Variants in RBMS3 observed in about 807,000 individuals in gnomAD.
RBMS3 encodes the protein RNA-binding motif, single-stranded-interacting protein 3.
In RBMS3, 27 loss-of-function variants were observed where a neutral mutation model predicts 66.8. The observed-to-expected ratio is 0.40, with a 90% CI of 0.30 to 0.56. The LOEUF (loss-of-function observed/expected upper bound fraction) is 0.56. RBMS3 is among the 20% of genes least tolerant of loss of function. RBMS3 has a pLI of 0.40. For synonymous variants in RBMS3, 188 were observed against 183.0 expected, an observed-to-expected ratio of 1.03 and a Z score of -0.22; for missense variants, 513 against 549.5, an observed-to-expected ratio of 0.93 and a Z score of 0.66.
intron 5 of RBMS3, among the ~76,000 whole-genome samples, chr3:29,758,724 G>A (rs1177653678): frequency 1.3e-5 from 2 of 152,130 alleles, no homozygotes; most frequent in Non-Finnish European, 2.9e-5. Flanking sequence ...TATTCCTTCC[G>A]TTACAATGGA....
chr3:29,668,374 C>A (rs1417951677), intron 4 of RBMS3, among the ~76,000 whole-genome samples: 2 of 152,184 alleles, frequency 1.3e-5, no homozygotes, highest in Non-Finnish European at 2.9e-5. Context: ...TTGAGAGCTG[C>A]CAAATACTAC....
At chr3:29,359,802 C>A (rs1392091899) in intron 1 of RBMS3, among the ~76,000 whole-genome samples, 1 of 152,114 alleles carries the variant, frequency 6.6e-6, no homozygotes, top group Non-Finnish European at 1.5e-5. Flanking sequence ...GGAATTTATC[C>A]ATTTCTTCTA....
chr3:29,994,240 A>G (rs984004255), intron 14 of RBMS3, among the ~76,000 whole-genome samples: 12 of 152,186 alleles, frequency 7.9e-5, no homozygotes, highest in African/African-American at 2.7e-4. Flanking sequence ...AAAATGGCGC[A>G]CCACAAGATT....
intron 12 of RBMS3, among the ~76,000 whole-genome samples, chr3:29,987,366 A>G (rs1341127084): frequency 6.6e-6 from 1 of 152,192 alleles, no homozygotes; most frequent in Non-Finnish European, 1.5e-5. Context: ...GTAACTGAAC[A>G]TGTAGTTTTA....
At position 29,563,307 on chromosome 3, in the gene RBMS3, C is replaced by A. The variant is rs538410180; in HGVS notation, c.308-23807C>A. Among the ~76,000 whole-genome samples, 4 of 152,274 alleles carry A rather than the reference C, an allele frequency of 2.6e-5. No homozygotes were observed. In the South Asian group the frequency reaches 6.2e-4, roughly 24 times the overall value. On this transcript the variant is annotated intron_variant, in intron 3 of 14. Coordinates refer to ENST00000383767, the MANE Select transcript of RBMS3 (RefSeq NM_001003793.3). The stretch of plus-strand genomic sequence containing the variant: ...AAGAAGAAAGACACATATTAACGGA[C>A]AAAACACTCTCCTAAATTGCTTGGA...
At chr3:29,614,095 G>A (rs1040322677) in intron 4 of RBMS3, among the ~76,000 whole-genome samples, 1 of 151,906 alleles carries the variant, frequency 6.6e-6, no homozygotes, top group African/African-American at 2.4e-5. Flanking sequence ...ATGGATGAAT[G>A]GATAAAGAAA....
rs138453616 is a variant in RBMS3 at position 29,486,006 on chromosome 3, C to A, written c.249-2435C>A. 4.9e-3 allele frequency among the ~76,000 whole-genome samples: 739 copies of A among 152,220 alleles called. 5 individuals are homozygous for A. The highest frequency in any genetic ancestry group is 0.017 in the African/African-American group (705 of 41,534). Reference sequence around the variant, plus strand: ...TATTTTCCTTCGGAGTGTATAAAATCATGTACTTTTAATCTGCAGAGTAGT... The same window carrying A: ...TATTTTCCTTCGGAGTGTATAAAATAATGTACTTTTAATCTGCAGAGTAGT... On this transcript the variant is annotated intron_variant, in intron 2 of 14. Transcript: ENST00000383767.
chr3:29,850,123 G>T (rs1168069584), intron 6 of RBMS3, among the ~76,000 whole-genome samples: 2 of 152,130 alleles, frequency 1.3e-5, no homozygotes, highest in Non-Finnish European at 2.9e-5. Context: ...ACAAAGCATG[G>T]GGGTACAAAG....
intron 2 of RBMS3, among the ~76,000 whole-genome samples, chr3:29,486,978 G>GAA (rs78003317): frequency 8.6e-5 from 13 of 151,352 alleles, no homozygotes; most frequent in African/African-American, 2.9e-4. Context: ...GCTTGGTGTG[G>GAA]AAAAAAAAGA....
intron 6 of RBMS3, among the ~76,000 whole-genome samples, chr3:29,853,330 T>C (rs562733314): frequency 2.6e-5 from 4 of 151,760 alleles, no homozygotes; most frequent in Non-Finnish European, 5.9e-5. Flanking sequence ...TTTAAAAAAC[T>C]TAAAATTGGT....
At chr3:29,795,317 T>C (rs2057145748) in intron 6 of RBMS3, among the ~76,000 whole-genome samples, 1 of 152,232 alleles carries the variant, frequency 6.6e-6, no homozygotes, top group Non-Finnish European at 1.5e-5. Context: ...TTTGGAAGTG[T>C]ATCAGAGATA....
At chr3:29,538,399 T>C (rs1281884988) in intron 3 of RBMS3, among the ~76,000 whole-genome samples, 2 of 152,172 alleles carry the variant, frequency 1.3e-5, no homozygotes, top group East Asian at 3.8e-4. Context: ...AGGAAAGAGA[T>C]ATATACGATT....
At chr3:29,359,228 C>G (rs947366980) in intron 1 of RBMS3, among the ~76,000 whole-genome samples, 48 of 152,114 alleles carry the variant, frequency 3.2e-4, no homozygotes, top group Non-Finnish European at 5.4e-4. Context: ...CCCATCAATA[C>G]CTAATTTATT....
chr3:29,501,700 T>C (rs2043981057), intron 3 of RBMS3, among the ~76,000 whole-genome samples: 1 of 152,018 alleles, frequency 6.6e-6, no homozygotes, highest in African/African-American at 2.4e-5. Context: ...CATCAGCCTA[T>C]CAACCAACCA....
intron 1 of RBMS3, among the ~76,000 whole-genome samples, chr3:29,363,379 C>G (rs532395981): frequency 2.0e-4 from 30 of 152,258 alleles, no homozygotes; most frequent in African/African-American, 6.7e-4. Flanking sequence ...ATGATACCTA[C>G]AGAGACTCTC....
intron 13 of RBMS3, among the ~76,000 whole-genome samples, chr3:29,989,807 T>C (rs1207643665): frequency 6.6e-6 from 1 of 152,234 alleles, no homozygotes; most frequent in Non-Finnish European, 1.5e-5. Context: ...CTTTGGTATA[T>C]TTAGCTTTCA....
chr3:29,670,637 G>A (rs904114230), intron 4 of RBMS3, among the ~76,000 whole-genome samples: 2 of 152,204 alleles, frequency 1.3e-5, no homozygotes, highest in Non-Finnish European at 2.9e-5. Context: ...CCGTGCCCAC[G>A]GAGCCTTGCT....
At chr3:29,814,792 TA>T (rs1258424869) in intron 6 of RBMS3, among the ~76,000 whole-genome samples, 7 of 152,126 alleles carry the variant, frequency 4.6e-5, no homozygotes, top group East Asian at 3.9e-4. Context: ...ATAATAAATT[TA>T]AAAAAAATTG....
At chr3:29,811,671 C>A (rs2057732791) in intron 6 of RBMS3, among the ~76,000 whole-genome samples, 1 of 152,172 alleles carries the variant, frequency 6.6e-6, no homozygotes, top group Non-Finnish European at 1.5e-5. Context: ...TTATACATTG[C>A]TCAGATAATC....
Sources: gnomAD v4.1 joint callset for allele counts (sites outside exome capture counted in the v4.1 genomes callset) on GRCh38, gnomAD v4.1.1 for gene constraint, MANE v1.5 for transcripts, NCBI Gene and HGNC (gene_info 2026-07-23, HGNC 2026-07-21) for gene names.